The following LCA5 variants were observed in gnomAD, a reference collection of about 807,000 sequenced individuals.
LCA5 encodes the protein lebercilin LCA5.
Under a neutral mutation model 53.0 loss-of-function variants are expected in LCA5, and 37 were observed. The observed-to-expected ratio is 0.70, with a 90% CI of 0.54 to 0.92. LCA5 has a LOEUF of 0.92. Among genes scored for constraint, LCA5 ranks in the 40% least tolerant of loss-of-function variants. LCA5 has a pLI of 0.00. For synonymous variants in LCA5, 303 were observed against 282.9 expected (o/e 1.07, Z -0.71); for missense variants, 806 against 790.5 (o/e 1.02, Z -0.23).
At chr6:79,524,930 CTAGT>C (rs963764199) in intron 1 of LCA5, among the ~76,000 whole-genome samples, 3 of 151,806 alleles carry the variant, frequency 2.0e-5, no homozygotes, top group Non-Finnish European at 4.4e-5. Context: ...GAAATTTCTC[CTAGT>C]TAAATAATAA....
At chr6:79,538,018 GTTTTTTTTTTTTTTT>G (rs869197362), upstream of LCA5, among the ~76,000 whole-genome samples, 47 of 44,164 alleles carry the variant, frequency 1.1e-3, 1 homozygote, top group Admixed American at 3.8e-3. Context: ...TTGCACACAA[GTTTTTTTTTTTTTTT>G]TTTTTTTTTT....
chr6:79,507,175 T>C (rs1020122090), intron 3 of LCA5, among the ~76,000 whole-genome samples: 5 of 152,158 alleles, frequency 3.3e-5, no homozygotes, highest in African/African-American at 4.8e-5. Flanking sequence ...GAAGCAGATA[T>C]GAGGACCCAG....
rs1766934146 is a variant in LCA5, at chr6:79,530,721, CTT to C, written c.-192+6442_-192+6443del. Among the ~76,000 whole-genome samples the C allele has an allele frequency of 4.0e-5, 6 of 151,840 alleles. No individual in the cohort carries two copies. The South Asian group carries it at 1.2e-3, about 32-fold the overall frequency. ...ACTTAACTTTCCTAGAGAATGGAAA[CTT>C]AGACACTTGTGAAAATTCACTTGTA... On this transcript the variant is annotated intron_variant, in intron 1 of 7. Transcript: ENST00000369846.
chr6:79,523,231 A>G (rs1293115981), intron 1 of LCA5, among the ~76,000 whole-genome samples: 4 of 152,190 alleles, frequency 2.6e-5, no homozygotes, highest in Admixed American at 2.0e-4. Flanking sequence ...TCTAAAATCA[A>G]CAATTCCTAT....
chr6:79,493,605 ATACT>A lies in LCA5; in HGVS notation c.858+4_858+7del, dbSNP rs773975242. Reference sequence around the variant, plus strand: ...ATTATGGAAAACAATGCAATTTAAAATACTTACCTTTAATTTGTGATATAGTCGC... The same window carrying A: ...ATTATGGAAAACAATGCAATTTAAAATACCTTTAATTTGTGATATAGTCGC... On this transcript the variant is annotated splice_donor_5th_base_variant and intron_variant, in intron 4 of 7. Coordinates refer to ENST00000369846, the MANE Select transcript of LCA5 (RefSeq NM_001122769.3). 1 of 1,610,238 alleles carries A rather than the reference ATACT, an allele frequency of 6.2e-7. No homozygotes were observed. Among genetic ancestry groups the A allele is most frequent in the South Asian group, 1.1e-5 (1 of 91,006 alleles).
intron 3 of LCA5, among the ~76,000 whole-genome samples, chr6:79,501,830 AAT>A (rs1435979093): frequency 2.0e-5 from 3 of 151,222 alleles, no homozygotes; most frequent in Admixed American, 6.6e-5. Context: ...CTCTATGTAT[AAT>A]ATATAGAGTT....
At chr6:79,488,850 T>C (rs1193160470) in intron 7 of LCA5, 4 of 558,078 alleles carry the variant, frequency 7.2e-6, no homozygotes, top group Non-Finnish European at 1.3e-5. Context: ...CAACTTGTCC[T>C]TATTCCCTAA....
In LCA5 at chr6:79,520,704, C is replaced by T. The variant is rs553848315; in HGVS notation, c.-191-1619G>A. On this transcript the variant is annotated intron_variant, in intron 1 of 7. Coordinates refer to ENST00000369846, the MANE Select transcript of LCA5 (RefSeq NM_001122769.3). ...AATAAAATGACCAATAAGAACTGGT[C>T]TTACAAACTATAAACATCCACACAA... is the stretch of plus-strand genomic sequence containing the variant. 2.0e-5 allele frequency among the ~76,000 whole-genome samples: 3 copies of T among 152,184 alleles called. No individual in the cohort carries two copies. In the South Asian group the frequency reaches 6.2e-4, roughly 32 times the overall value.
intron 1 of LCA5, among the ~76,000 whole-genome samples, chr6:79,520,212 TTAAG>T (rs1435407605): frequency 6.6e-6 from 1 of 152,112 alleles, no homozygotes; most frequent in African/African-American, 2.4e-5. Context: ...TGAGGAATAA[TTAAG>T]TATTTTATAA....
At chr6:79,493,868 C>A (rs1582619302) in intron 3 of LCA5, 118 bp from the exon 4 acceptor site, 1 of 721,106 alleles carries the variant, frequency 1.4e-6, no homozygotes, top group South Asian at 1.9e-5. Flanking sequence ...ACAAATCAGA[C>A]TGGGCATAGT....
intron 1 of LCA5, among the ~76,000 whole-genome samples, chr6:79,526,421 G>A (rs925071713): frequency 1.3e-5 from 2 of 152,134 alleles, no homozygotes; most frequent in African/African-American, 4.8e-5. Context: ...GCGGGCGCGT[G>A]TAGTCCCAGC....
At chr6:79,527,803 G>C (rs1024523868) in intron 1 of LCA5, among the ~76,000 whole-genome samples, 2 of 152,290 alleles carry the variant, frequency 1.3e-5, no homozygotes, top group Non-Finnish European at 2.9e-5. Context: ...GTTAAGAGCA[G>C]ACATCACAGG....
At chr6:79,522,905 T>C (rs1468474006) in intron 1 of LCA5, among the ~76,000 whole-genome samples, 2 of 5,288 alleles carry the variant, frequency 3.8e-4, no homozygotes, top group Admixed American at 3.5e-3. Flanking sequence ...TGATACTGTC[T>C]TTTTTTTTTT....
At position 79,498,332 on chromosome 6, in the gene LCA5, C is replaced by T. The variant is rs147853499; in HGVS notation, c.721-4582G>A. ...TTGTACTGTTTTCAGATTTGCAATT[C>T]TCTGTAAGCTTGAAATTATTTCCAT... On this transcript the variant is annotated intron_variant, in intron 3 of 7. Transcript: ENST00000369846. Among the ~76,000 whole-genome samples the T allele has an allele frequency of 8.0e-3, 1,217 of 152,122 alleles. 20 individuals carry two copies. Among genetic ancestry groups the T allele is most frequent in the African/African-American group, 0.028 (1,157 of 41,516 alleles).
chr6:79,524,752 CTT>C (rs1373506747), intron 1 of LCA5, among the ~76,000 whole-genome samples: 3 of 152,018 alleles, frequency 2.0e-5, no homozygotes, highest in Non-Finnish European at 4.4e-5. Flanking sequence ...GGCTTTCCCT[CTT>C]GTTATACTGA....
intron 1 of LCA5, chr6:79,525,325 C>T (rs1391833712): frequency 6.6e-6 from 1 of 152,102 alleles, no homozygotes; most frequent in Admixed American, 6.6e-5. Context: ...AGGAAATCCC[C>T]TCGTTTTAGC....
At chr6:79,498,222 G>A (rs1468422162) in intron 3 of LCA5, among the ~76,000 whole-genome samples, 2 of 151,668 alleles carry the variant, frequency 1.3e-5, no homozygotes, top group African/African-American at 4.8e-5. Context: ...GAGACCACAT[G>A]AGAGAGCATG....
intron 3 of LCA5, among the ~76,000 whole-genome samples, chr6:79,510,211 T>C (rs1172181795): frequency 2.6e-5 from 4 of 152,072 alleles, no homozygotes; most frequent in Non-Finnish European, 5.9e-5. Flanking sequence ...CATAAAAATA[T>C]GCCCAACTGA....
In LCA5 at chr6:79,487,793, C is replaced by A; in HGVS notation, c.1305G>T (p.Glu435Asp). 6.2e-7 allele frequency: 1 copy of A among 1,612,024 alleles called. No homozygotes were observed. Among genetic ancestry groups the A allele is most frequent in the South Asian group, 1.1e-5 (1 of 90,304 alleles). Residue 435 changes from glutamate (E) to aspartate (D), a missense_variant, in exon 8 of 8, where the codon GAG becomes GAT. Physicochemically the swap from Glu to Asp is conservative, Grantham distance 45. Coordinates refer to ENST00000369846, the MANE Select transcript of LCA5 (RefSeq NM_001122769.3). ...ASLLEREEKP[E>D]WETGRYQLGM... is the part of the protein sequence containing the mutation. ...CTAGTTGGTACCTTCCAGTTTCCCA[C>A]TCTGGCTTTTCTTCTCTTTCCAGTA...
Sources: allele counts gnomAD v4.1 joint callset (sites outside exome capture counted in the v4.1 genomes callset), GRCh38; gene constraint gnomAD v4.1.1; transcripts MANE v1.5; gene names NCBI Gene and HGNC (gene_info 2026-07-23, HGNC 2026-07-21).